The following CD101 variants were observed in gnomAD, a reference collection of about 807,000 sequenced individuals.
CD101 encodes the protein immunoglobulin superfamily member 2.
A neutral mutation model predicts 98.2 loss-of-function variants in CD101; 76 were observed. The observed-to-expected ratio is 0.77, with a 90% CI of 0.64 to 0.94. The LOEUF (loss-of-function observed/expected upper bound fraction) is 0.94, where lower values mean the gene tolerates loss of function less well. Among genes scored for constraint, CD101 ranks in the 40% least tolerant of loss-of-function variants. The pLI is 0.00. For synonymous variants in CD101, 471 were observed against 472.7 expected (o/e 1.00, Z 0.05); for missense variants, 1,145 against 1,218.8 (o/e 0.94, Z 0.90).
Position 117,004,391 on chromosome 1 carries a change from T to C in CD101, c.43+2531T>C, listed in dbSNP as rs542057544. Among the ~76,000 whole-genome samples, 2 of 152,346 alleles carry C rather than the reference T, an allele frequency of 1.3e-5. No individual in the cohort carries two copies. The highest frequency in any genetic ancestry group is 3.9e-4 in the East Asian group (2 of 5,190). On this transcript the variant is annotated intron_variant, in intron 1 of 9. Transcript: ENST00000682167. The surrounding 1 kb of genome is among the most constrained non-coding windows in gnomAD (Gnocchi z 4.1). ...AAGTGCTCAAGTATGGACCATTTTATACAGTTCAACCTAATCGTTTTCATT... is the reference window on the plus strand; with the variant it reads ...AAGTGCTCAAGTATGGACCATTTTACACAGTTCAACCTAATCGTTTTCATT...
intron 3 of CD101, among the ~76,000 whole-genome samples, chr1:117,013,140 C>T (rs1652988040): frequency 6.6e-6 from 1 of 152,066 alleles, no homozygotes; most frequent in Non-Finnish European, 1.5e-5. Context: ...CTATATGTGT[C>T]ATACATTTGT....
chr1:117,020,717 G>A (rs947412699), intron 6 of CD101, among the ~76,000 whole-genome samples: 4 of 152,222 alleles, frequency 2.6e-5, no homozygotes, highest in African/African-American at 9.7e-5. Flanking sequence ...CTCTGTCCCT[G>A]CACTTGTCTC....
rs763569776 is a variant in CD101 at position 117,010,166 on chromosome 1, G to A, written c.360G>A (p.Glu120=). The stretch of plus-strand genomic sequence containing the variant: ...AGATGAAGGATGCTGGCGAGTATGA[G>A]TGTCACACACCAAACACTGATGAGA... ...KLQMKDAGEY[E]CHTPNTDEKY... The change falls in exon 2 of 10, where the codon GAG becomes GAA. Residue 120 remains glutamate (E), a synonymous_variant. Transcript: ENST00000682167. This position sits in a 1 kb window ranked among gnomAD's most constrained non-coding sequence, Gnocchi z 5.2. 5 of 1,614,192 alleles carry A rather than the reference G, an allele frequency of 3.1e-6. No individual in the cohort carries two copies. The East Asian group carries it at 6.7e-5, about 22-fold the overall frequency.
In CD101 at chr1:117,012,566, A is replaced by T. The variant is rs977459551; in HGVS notation, c.841+600A>T. 7.9e-5 allele frequency among the ~76,000 whole-genome samples: 12 copies of T among 151,870 alleles called. No individual in the cohort carries two copies. The highest frequency in any genetic ancestry group is 2.7e-4 in the African/African-American group (11 of 41,332). On this transcript the variant is annotated intron_variant, in intron 3 of 9. Transcript: ENST00000682167. This position sits in a 1 kb window ranked among gnomAD's most constrained non-coding sequence, Gnocchi z 4.0. Reference sequence around the variant, plus strand: ...AATGCAGTGACTTTGCTTTTTTATTATTTTTTTAATTTTTAAATTTTTTTA... The same window carrying T: ...AATGCAGTGACTTTGCTTTTTTATTTTTTTTTTAATTTTTAAATTTTTTTA...
chr1:117,033,901 C>G lies in CD101; in HGVS notation c.2866C>G (p.Leu956Val), dbSNP rs373577423. ...CAGGATCTGCTCCTCGGCCCCTTTACTCTATTTCCTGTTCATCTGTCCCTT... is the reference window on the plus strand; with the variant it reads ...CAGGATCTGCTCCTCGGCCCCTTTAGTCTATTTCCTGTTCATCTGTCCCTT... ...PSRICSSAPLLYFLFICPFVL... is the reference protein window; with the variant it reads ...PSRICSSAPLVYFLFICPFVL... Residue 956 changes from leucine (L) to valine (V), a missense_variant, in exon 9 of 10, where the codon CTC (leucine) becomes GTC (valine). Leu to Val is a conservative substitution (Grantham distance 32, BLOSUM62 1). Transcript: ENST00000682167. This position sits in a 1 kb window ranked among gnomAD's most constrained non-coding sequence, Gnocchi z 4.8. 4.3e-6 allele frequency: 7 copies of G among 1,614,070 alleles called. No individual in the cohort carries two copies. Among genetic ancestry groups the G allele is most frequent in the Non-Finnish European group, 5.1e-6 (6 of 1,180,022 alleles).
intron 1 of CD101, among the ~76,000 whole-genome samples, chr1:117,009,366 G>A (rs914289700): frequency 6.6e-6 from 1 of 152,240 alleles, no homozygotes; most frequent in African/African-American, 2.4e-5. Context: ...GCTACAGATA[G>A]TTCCAACCAA....
Position 117,018,455 on chromosome 1 carries a change from T to C in CD101, c.1912T>C (p.Tyr638His). 6.2e-7 allele frequency: 1 copy of C among 1,614,196 alleles called. No homozygotes were observed. Among genetic ancestry groups the C allele is most frequent in the Non-Finnish European group, 8.5e-7 (1 of 1,180,018 alleles). The change falls in exon 6 of 10, where the codon TAT becomes CAT. Residue 638 changes from tyrosine (Y) to histidine (H), a missense_variant. Transcript: ENST00000682167. The surrounding 1 kb of genome is among the most constrained non-coding windows in gnomAD (Gnocchi z 4.3). ...HDATEEETGV[Y>H]QCEVEVYDRN... ...TGCCACTGAGGAAGAGACAGGAGTG[T>C]ATCAGTGTGAAGTAGAAGTTTATGA... is the stretch of plus-strand genomic sequence containing the variant.
intron 8 of CD101, chr1:117,026,361 G>A (rs1248126670): frequency 6.4e-6 from 1 of 155,246 alleles, no homozygotes; most frequent in Non-Finnish European, 1.4e-5. Context: ...GAACATATGG[G>A]AACATCTAAG....
In CD101 at chr1:117,034,123, C is replaced by G. The variant is rs1026734094; in HGVS notation, c.*22C>G. On this transcript the variant is annotated 3_prime_UTR_variant, in exon 9 of 10. Coordinates refer to ENST00000682167, the MANE Select transcript of CD101 (RefSeq NM_001256106.3). ...CTGAATCCCAAGAGGCACCTGCAGC[C>G]AGGAAGGAAAGGTGGGGGCTTTTTA... The G allele has an allele frequency of 6.2e-7, 1 of 1,612,926 alleles. No individual in the cohort carries two copies. Among genetic ancestry groups the G allele is most frequent in the Non-Finnish European group, 8.5e-7 (1 of 1,179,676 alleles).
At position 117,025,876 on chromosome 1, in the gene CD101, G is replaced by T. The variant is rs1653887232; in HGVS notation, c.2796G>T (p.Gln932His). The T allele has an allele frequency of 6.2e-7, 1 of 1,612,726 alleles. No individual in the cohort carries two copies. The highest frequency in any genetic ancestry group is 8.5e-7 in the Non-Finnish European group (1 of 1,178,848). ...KWINQASDES[Q>H]RMVLTVLPSE... ...TTAATCAAGCATCCGATGAGTCACA[G>T]CGGATGGTGCTCACGGTGCTGCCTT... The change falls in exon 8 of 10, where the codon CAG (glutamine) becomes CAT (histidine). Residue 932 changes from glutamine (Q) to histidine (H), a missense_variant. Transcript: ENST00000682167.
intron 1 of CD101, among the ~76,000 whole-genome samples, chr1:117,007,006 G>A (rs1349729102): frequency 1.3e-5 from 2 of 152,152 alleles, no homozygotes; most frequent in Non-Finnish European, 2.9e-5. Context: ...CGTTCGAGAA[G>A]TGTTGCCTAG....
intron 8 of CD101, among the ~76,000 whole-genome samples, chr1:117,029,191 GAAAGA>G (rs1654189923): frequency 1.2e-5 from 1 of 83,966 alleles, no homozygotes; most frequent in Non-Finnish European, 2.3e-5. Flanking sequence ...AAGAAAGAAA[GAAAGA>G]AAGAAAGAAA....
intron 8 of CD101, among the ~76,000 whole-genome samples, chr1:117,028,924 G>A (rs1654134821): frequency 6.6e-6 from 1 of 151,906 alleles, no homozygotes; most frequent in Non-Finnish European, 1.5e-5. Context: ...ACAATAAAAT[G>A]GCAAAAGTTG....
chr1:117,013,275 C>T (rs1652995536), intron 3 of CD101, 131 bp from the exon 4 acceptor site: 1 of 1,106,448 alleles, frequency 9.0e-7, no homozygotes, highest in Non-Finnish European at 1.3e-6. Context: ...GTTTACCTAC[C>T]GCTATAGAAT....
rs1281068003 is a variant in CD101 at position 117,018,346 on chromosome 1, T to C, written c.1803T>C (p.Ile601=). The C allele has an allele frequency of 1.1e-5, 17 of 1,614,174 alleles. No homozygotes were observed. The highest frequency in any genetic ancestry group is 1.4e-5 in the Non-Finnish European group (16 of 1,180,024). Residue 601 remains isoleucine (I), a synonymous_variant, in exon 6 of 10, where the codon ATT becomes ATC. Transcript: ENST00000682167. The surrounding 1 kb of genome is among the most constrained non-coding windows in gnomAD (Gnocchi z 4.3). ...QLIRITHNGT[I]EWGNFLSRFQ... is the part of the protein sequence containing the mutation. ...TTCGAATCACCCACAATGGCACTAT[T>C]GAATGGGGGAATTTCCTATCCCGGT...
rs1250111191 is a variant in CD101 at position 117,033,894 on chromosome 1, C to A, written c.2859C>A (p.Ala953=). ...TTCCTTCCAGGATCTGCTCCTCGGC[C>A]CCTTTACTCTATTTCCTGTTCATCT... is the stretch of plus-strand genomic sequence containing the variant. ...PTLPSRICSS[A]PLLYFLFICP... The change falls in exon 9 of 10, where the codon GCC becomes GCA. Residue 953 remains alanine (A), a synonymous_variant. Transcript: ENST00000682167. This position sits in a 1 kb window ranked among gnomAD's most constrained non-coding sequence, Gnocchi z 4.8. The A allele has an allele frequency of 6.2e-7, 1 of 1,614,166 alleles. No individual in the cohort carries two copies. Among genetic ancestry groups the A allele is most frequent in the Admixed American group, 1.7e-5 (1 of 60,018 alleles).
rs1034461311 is a variant in CD101, at chr1:117,017,248, A to C, written c.1387A>C (p.Met463Leu). 5 of 1,614,068 alleles carry C rather than the reference A, an allele frequency of 3.1e-6. No individual in the cohort carries two copies. The African/African-American group carries it at 5.3e-5, about 17-fold the overall frequency. Reference sequence around the variant, plus strand: ...GACACAGCCCGAGTTTGTGGCTGGCATGGGGCAGGATGGCATTGTGCAGCT... The same window carrying C: ...GACACAGCCCGAGTTTGTGGCTGGCCTGGGGCAGGATGGCATTGTGCAGCT... ...DQTQPEFVAG[M>L]GQDGIVQLGA... is the part of the protein sequence containing the mutation. Residue 463 changes from methionine to leucine, a missense_variant, in exon 5 of 10, where the codon ATG becomes CTG. Transcript: ENST00000682167.
intron 2 of CD101, among the ~76,000 whole-genome samples, chr1:117,011,250 C>T (rs1652869633): frequency 6.6e-6 from 1 of 152,198 alleles, no homozygotes; most frequent in Admixed American, 6.5e-5. Context: ...CCAGTGCTTT[C>T]TCCCTTTAAA....
At position 117,005,099 on chromosome 1, in the gene CD101, C is replaced by T. The variant is rs538040681; in HGVS notation, c.43+3239C>T. 6.6e-6 allele frequency among the ~76,000 whole-genome samples: 1 copy of T among 152,214 alleles called. No homozygotes were observed. The highest frequency in any genetic ancestry group is 2.4e-5 in the African/African-American group (1 of 41,522). ...CATGACCTAATTGCTTCCTAAATGC[C>T]CCATCTCCTAATACCATCACCTTGG... On this transcript the variant is annotated intron_variant, in intron 1 of 9. Coordinates refer to ENST00000682167, the MANE Select transcript of CD101 (RefSeq NM_001256106.3). This position sits in a 1 kb window ranked among gnomAD's most constrained non-coding sequence, Gnocchi z 4.4.
Sources: gnomAD v4.1 joint callset for allele counts (sites outside exome capture counted in the v4.1 genomes callset) on GRCh38, gnomAD v4.1.1 for gene constraint, Gnocchi (gnomAD v3.1) non-coding constraint, MANE v1.5 for transcripts, NCBI Gene and HGNC (gene_info 2026-07-23, HGNC 2026-07-21) for gene names.